CIMIP7: variants seen among roughly 807,000 people sequenced by gnomAD.
The protein encoded by CIMIP7 is ciliary microtubule inner protein 7, also known as uncharacterized protein C3orf84.
chr3:49,177,747 G>A, the CIMIP7 span: 26 of 1,609,428 alleles, frequency 1.6e-5, no homozygotes, highest in South Asian at 5.5e-5. Context: ...CAGGCAGTAC[G>A]TCAGTGACCG....
At chr3:49,191,855 A>AT in the CIMIP7 span, 1 of 1,370,444 alleles carries the variant, frequency 7.3e-7, no homozygotes, top group Non-Finnish European at 1.0e-6. Flanking sequence ...CTGGAGGTCA[A>AT]TTTTTTGTTG....
chr3:49,187,158 G>A, the CIMIP7 span, among the ~76,000 whole-genome samples: 1 of 152,218 alleles, frequency 6.6e-6, no homozygotes, highest in African/African-American at 2.4e-5. Context: ...AACTGTGGGA[G>A]CTTGGTGAGA....
the CIMIP7 span, chr3:49,191,752 C>A: frequency 6.3e-7 from 1 of 1,579,300 alleles, no homozygotes. Flanking sequence ...TACCCAGGAG[C>A]CTACTAAAGC....
At chr3:49,183,694 T>G in the CIMIP7 span, among the ~76,000 whole-genome samples, 1 of 152,174 alleles carries the variant, frequency 6.6e-6, no homozygotes, top group East Asian at 1.9e-4. Context: ...AACATGCAAC[T>G]ACCACATGAC....
the CIMIP7 span, among the ~76,000 whole-genome samples, chr3:49,179,598 T>C: frequency 2.0e-5 from 3 of 152,012 alleles, no homozygotes; most frequent in African/African-American, 7.2e-5. Flanking sequence ...GGCCATATAA[T>C]TCCCTCACAC....
At chr3:49,179,527 C>A in the CIMIP7 span, among the ~76,000 whole-genome samples, 1 of 152,196 alleles carries the variant, frequency 6.6e-6, no homozygotes, top group Non-Finnish European at 1.5e-5. Context: ...GATTTCCTCA[C>A]TGCTCCTCAG....
the CIMIP7 span, among the ~76,000 whole-genome samples, chr3:49,190,661 GA>G: frequency 5.9e-5 from 8 of 135,696 alleles, no homozygotes; most frequent in African/African-American, 1.7e-4. Flanking sequence ...ATGCCAGGCT[GA>G]ATTTTTTTTT....
chr3:49,179,267 G>A, the CIMIP7 span, among the ~76,000 whole-genome samples: 48 of 152,188 alleles, frequency 3.2e-4, no homozygotes, highest in African/African-American at 1.0e-3. Context: ...TCTTTTCCCC[G>A]ATCCAAGCCA....
At chr3:49,188,543 T>A in the CIMIP7 span, among the ~76,000 whole-genome samples, 1 of 152,118 alleles carries the variant, frequency 6.6e-6, no homozygotes, top group Non-Finnish European at 1.5e-5. Flanking sequence ...CCTGGCTATG[T>A]CTCTGTACCT....
chr3:49,186,461 T>C, the CIMIP7 span, among the ~76,000 whole-genome samples: 864 of 150,884 alleles, frequency 5.7e-3, 11 homozygotes, highest in African/African-American at 0.02. Flanking sequence ...TGGAGTGCAG[T>C]GGTGCGATCG....
At chr3:49,191,438 G>A in the CIMIP7 span, among the ~76,000 whole-genome samples, 1 of 152,186 alleles carries the variant, frequency 6.6e-6, no homozygotes, top group Non-Finnish European at 1.5e-5. Context: ...CCAGACTAGA[G>A]AGCAGCCAAA....
the CIMIP7 span, among the ~76,000 whole-genome samples, chr3:49,178,218 G>A: frequency 2.6e-5 from 4 of 152,192 alleles, no homozygotes; most frequent in African/African-American, 9.6e-5. Flanking sequence ...TCATTCTAAG[G>A]TGAAGCACCC....
At chr3:49,182,089 CTT>C in the CIMIP7 span, among the ~76,000 whole-genome samples, 1 of 152,112 alleles carries the variant, frequency 6.6e-6, no homozygotes, top group Non-Finnish European at 1.5e-5. Flanking sequence ...AGCTGCAGAC[CTT>C]CGTGGTGAGT....
the CIMIP7 span, among the ~76,000 whole-genome samples, chr3:49,186,882 T>G: frequency 6.6e-6 from 1 of 152,250 alleles, no homozygotes; most frequent in Non-Finnish European, 1.5e-5. Flanking sequence ...CCAGGCAAAG[T>G]GTAAAAGAAA....
At chr3:49,177,979 AG>A in the CIMIP7 span, 7 of 1,613,222 alleles carry the variant, frequency 4.3e-6, no homozygotes, top group African/African-American at 1.3e-5. Flanking sequence ...TGCCCAGCGC[AG>A]GAAGGTGTGC....
the CIMIP7 span, chr3:49,177,988 T>C: frequency 6.2e-7 from 1 of 1,612,954 alleles, no homozygotes. Flanking sequence ...CAGGAAGGTG[T>C]GCCGCTGCCA....
At chr3:49,187,635 A>C in the CIMIP7 span, among the ~76,000 whole-genome samples, 150 of 152,114 alleles carry the variant, frequency 9.9e-4, 1 homozygote, top group Middle Eastern at 6.9e-3. Flanking sequence ...TGAAAAAAAA[A>C]CCCATAATTT....
At chr3:49,189,231 A>T in the CIMIP7 span, among the ~76,000 whole-genome samples, 1 of 151,442 alleles carries the variant, frequency 6.6e-6, no homozygotes, top group African/African-American at 2.4e-5. Context: ...GGCCTCCCAA[A>T]GTTCTGGGAT....
At chr3:49,180,314 T>C in the CIMIP7 span, among the ~76,000 whole-genome samples, 1 of 152,192 alleles carries the variant, frequency 6.6e-6, no homozygotes, top group Non-Finnish European at 1.5e-5. Context: ...GGCATTTACT[T>C]TGGCTCAGTT....
Sources: allele counts gnomAD v4.1 joint callset (sites outside exome capture counted in the v4.1 genomes callset), GRCh38; gene constraint gnomAD v4.1.1; transcripts MANE v1.5; gene names NCBI Gene and HGNC (gene_info 2026-07-23, HGNC 2026-07-21).